DIS3L: variants seen among roughly 807,000 people sequenced by gnomAD.
The protein encoded by DIS3L is DIS3-like exonuclease 1.
In DIS3L, 100 loss-of-function variants were observed where a neutral mutation model predicts 120.3. The ratio of observed to expected loss-of-function variants is 0.83; its 90% CI spans 0.71 to 0.98. DIS3L has a LOEUF of 0.98. Among genes scored for constraint, DIS3L ranks in the 50% least tolerant of loss-of-function variants. The pLI, the probability that DIS3L is intolerant of heterozygous loss-of-function variation, is 0.00. For missense variants in DIS3L, 1,196 were observed against 1,314.2 expected, an observed-to-expected ratio of 0.91 and a Z score of 1.39; for synonymous variants, 426 against 470.6, an observed-to-expected ratio of 0.91 and a Z score of 1.23.
chr15:66,293,560 C>A, upstream of DIS3L: 1 of 1,399,098 alleles, frequency 7.1e-7, no homozygotes, highest in Non-Finnish European at 9.3e-7. Context: ...GCCTCCGCCG[C>A]GCCCGCCACT....
At chr15:66,298,179 C>CAA (rs11419116) in intron 2 of DIS3L, among the ~76,000 whole-genome samples, 752 of 45,902 alleles carry the variant, frequency 0.016, 82 homozygotes, top group South Asian at 0.025. Context: ...GACTCCGTCT[C>CAA]AAAAAAAAAA....
rs1483596751 is a variant in DIS3L, at chr15:66,293,748, G to A, written c.139+13G>A. The A allele has an allele frequency of 8.4e-6, 10 of 1,196,928 alleles. No individual in the cohort carries two copies. Among genetic ancestry groups the A allele is most frequent in the Middle Eastern group, 3.4e-4 (1 of 2,970 alleles). 74.1% of individuals were successfully genotyped at this position (1,196,928 alleles called of 1,614,324 possible). A position where few individuals can be genotyped will look rare whatever the true frequency, so the allele number is the denominator to read the frequency against. On this transcript the variant is annotated intron_variant, in intron 1 of 16. Coordinates refer to ENST00000319212, the MANE Select transcript of DIS3L (RefSeq NM_001143688.3). ...GCCTGCAGCCACGGTCAGGGCCGGG[G>A]CGGGGGCGGGGACGGGGCCGGCGGG...
At position 66,293,678 on chromosome 15, in the gene DIS3L, C is replaced by T; in HGVS notation, c.82C>T (p.Arg28Trp). 2 of 1,410,602 alleles carry T rather than the reference C, an allele frequency of 1.4e-6. No homozygotes were observed. The highest frequency in any genetic ancestry group is 1.9e-6 in the Non-Finnish European group (2 of 1,078,988). 87.4% of individuals were successfully genotyped at this position (1,410,602 alleles called of 1,614,324 possible). The change falls in exon 1 of 17, where the codon CGG (arginine) becomes TGG (tryptophan). Residue 28 changes from arginine to tryptophan, a missense_variant. Arg to Trp is a moderately radical substitution (Grantham distance 101). Coordinates refer to ENST00000319212, the MANE Select transcript of DIS3L (RefSeq NM_001143688.3). Reference sequence around the variant, plus strand: ...GCGGATCGTGCGCGAGCACTACCTGCGGCCCTGCGTGCCCTGCCACAGCCC... The same window carrying T: ...GCGGATCGTGCGCGAGCACTACCTGTGGCCCTGCGTGCCCTGCCACAGCCC... ...TLRIVREHYLRPCVPCHSPLC... is the reference protein window; with the variant it reads ...TLRIVREHYLWPCVPCHSPLC...
At chr15:66,296,617 G>A (rs182427483) in intron 2 of DIS3L, among the ~76,000 whole-genome samples, 25 of 151,142 alleles carry the variant, frequency 1.7e-4, no homozygotes, top group African/African-American at 4.9e-4. Flanking sequence ...TCCACCTCCC[G>A]GGTTCAAGTG....
chr15:66,300,215 T>C (rs1266945661), intron 2 of DIS3L, among the ~76,000 whole-genome samples: 3 of 152,174 alleles, frequency 2.0e-5, no homozygotes, highest in African/African-American at 7.2e-5. Context: ...AGCCATAAGA[T>C]GGAATGACGT....
chr15:66,333,466 C>T lies in DIS3L; in HGVS notation c.*154C>T. ...ATGTTCTCAGCCGGGCACGGTGGCT[C>T]ACGCCTGTAACCCCAGCACTTTGGG... On this transcript the variant is annotated 3_prime_UTR_variant, in exon 17 of 17. Transcript: ENST00000319212. The T allele has an allele frequency of 2.5e-6, 2 of 798,034 alleles. No homozygotes were observed. The highest frequency in any genetic ancestry group is 3.7e-6 in the Non-Finnish European group (2 of 533,588). The allele number at this position is 798,034 out of a possible 1,614,324, so 49.4% of individuals were successfully genotyped here. A position where few individuals can be genotyped will look rare whatever the true frequency, so the allele number is the denominator to read the frequency against.
At chr15:66,309,964 G>A (rs117424676) in intron 4 of DIS3L, among the ~76,000 whole-genome samples, 4,164 of 152,236 alleles carry the variant, frequency 0.027, 99 homozygotes, top group Non-Finnish European at 0.039. Flanking sequence ...TCTCAGCAAC[G>A]CAGTTCTTCC....
chr15:66,294,073 C>T, intron 1 of DIS3L: 1 of 986,274 alleles, frequency 1.0e-6, no homozygotes, highest in Non-Finnish European at 1.2e-6. Context: ...GCCGCAACCT[C>T]GCGCCGTGGA....
chr15:66,317,235 T>C (rs1159331357), intron 7 of DIS3L, among the ~76,000 whole-genome samples: 13 of 151,600 alleles, frequency 8.6e-5, no homozygotes, highest in Admixed American at 7.9e-4. Context: ...CCCAAACTGA[T>C]TTTATATAAA....
rs2092566800 is a variant in DIS3L at position 66,294,747 on chromosome 15, C to T, written c.140-241C>T. On this transcript the variant is annotated intron_variant, in intron 1 of 16. Coordinates refer to ENST00000319212, the MANE Select transcript of DIS3L (RefSeq NM_001143688.3). ...TGTTCGTTGTTAAATCAGCCATCCT[C>T]TCCGGCACCTCTGGCAACACCATAA... Among the ~76,000 whole-genome samples, 4 of 152,184 alleles carry T rather than the reference C, an allele frequency of 2.6e-5. No individual in the cohort carries two copies. In the South Asian group the frequency reaches 8.3e-4, roughly 32 times the overall value.
chr15:66,303,276 G>A (rs1344361101), intron 2 of DIS3L, among the ~76,000 whole-genome samples: 2 of 152,216 alleles, frequency 1.3e-5, no homozygotes, highest in African/African-American at 4.8e-5. Context: ...ACAAATGTCT[G>A]TTTGAGTCCT....
intron 12 of DIS3L, chr15:66,326,585 T>C (rs1244773436): frequency 1.8e-6 from 1 of 542,522 alleles, no homozygotes; most frequent in Non-Finnish European, 3.2e-6. Context: ...GGTTTTTTGT[T>C]TCAATTTTTT....
At chr15:66,301,120 C>T (rs1029170422) in intron 2 of DIS3L, among the ~76,000 whole-genome samples, 12 of 151,850 alleles carry the variant, frequency 7.9e-5, no homozygotes, top group Admixed American at 6.6e-4. Flanking sequence ...GGTAAGGTCA[C>T]CACTGAATAA....
chr15:66,326,611 G>A (rs550408166), intron 12 of DIS3L: 31 of 422,532 alleles, frequency 7.3e-5, no homozygotes, highest in Non-Finnish European at 1.2e-4. Context: ...ATAGAGTCTT[G>A]CTCTGTCACC....
intron 1 of DIS3L, chr15:66,294,207 C>A: frequency 2.0e-6 from 2 of 985,624 alleles, no homozygotes; most frequent in Non-Finnish European, 2.4e-6. Flanking sequence ...TTGCCCCAGA[C>A]TTTTCCCCCA....
intron 2 of DIS3L, among the ~76,000 whole-genome samples, chr15:66,302,426 C>T (rs1174653936): frequency 2.0e-5 from 3 of 152,112 alleles, no homozygotes; most frequent in Non-Finnish European, 4.4e-5. Context: ...AAAACAAATG[C>T]AGTGATGTCT....
At position 66,306,841 on chromosome 15, in the gene DIS3L, G is replaced by A. The variant is rs200836203; in HGVS notation, c.311G>A (p.Arg104Gln). The A allele has an allele frequency of 1.3e-5, 21 of 1,614,142 alleles. 1 individual carries two copies. The highest frequency in any genetic ancestry group is 6.7e-5 in the Admixed American group (4 of 60,012). The change falls in exon 3 of 17, where the codon CGA becomes CAA. Residue 104 changes from arginine (R) to glutamine (Q), a missense_variant. Transcript: ENST00000319212. ...QRGRRQYNKL[R>Q]NLLKDARHDC... Reference sequence around the variant, plus strand: ...TGTCACAGACAGTATAACAAACTGCGAAACCTGCTGAAGGATGCGCGTCAT... The same window carrying A: ...TGTCACAGACAGTATAACAAACTGCAAAACCTGCTGAAGGATGCGCGTCAT...
rs1167018880 is a variant in DIS3L, at chr15:66,315,163, T to C, written c.942T>C (p.Asn314=). The part of the protein sequence containing the change: ...WKGRTVALCE[N]DCDDKASGES... The stretch of plus-strand genomic sequence containing the variant: ...GAAGAACCGTAGCCCTGTGTGAGAA[T>C]GACTGTGACGACAAGGCTTCGGGCG... The change falls in exon 7 of 17, where the codon AAT becomes AAC. Residue 314 remains asparagine (N), a synonymous_variant. Transcript: ENST00000319212. 1 of 1,614,102 alleles carries C rather than the reference T, an allele frequency of 6.2e-7. No individual in the cohort carries two copies. The highest frequency in any genetic ancestry group is 2.2e-5 in the East Asian group (1 of 44,882).
chr15:66,297,674 C>T (rs533779705), intron 2 of DIS3L, among the ~76,000 whole-genome samples: 129 of 152,276 alleles, frequency 8.5e-4, no homozygotes, highest in African/African-American at 3.0e-3. Context: ...CTTCCTTGGA[C>T]ATTTTTGAGA....
Sources: gnomAD v4.1 joint callset for allele counts (sites outside exome capture counted in the v4.1 genomes callset) on GRCh38, gnomAD v4.1.1 for gene constraint, MANE v1.5 for transcripts, NCBI Gene and HGNC (gene_info 2026-07-23, HGNC 2026-07-21) for gene names.